The following N4BP2 variants were observed in gnomAD, a reference collection of about 807,000 sequenced individuals.
N4BP2 encodes the protein NEDD4-binding protein 2.
Under a neutral mutation model 152.8 loss-of-function variants are expected in N4BP2, and 91 were observed. That is an observed-to-expected ratio of 0.60 (90% CI 0.50 to 0.71). The LOEUF (loss-of-function observed/expected upper bound fraction) is 0.71. Ranked by LOEUF, N4BP2 falls within the 30% of genes least tolerant of loss-of-function variation. The probability of loss-of-function intolerance (pLI) is 0.00; values close to 1 mark genes in which losing one functional copy is unlikely to be tolerated. For synonymous variants in N4BP2, 646 were observed against 705.3 expected, an observed-to-expected ratio of 0.92 and a Z score of 1.33; for missense variants, 1,923 against 2,059.1, an observed-to-expected ratio of 0.93 and a Z score of 1.28.
rs935129230 is a variant in N4BP2 at position 40,155,505 on chromosome 4, CAAAG to C, written c.*1269_*1272del. ...TATTTTGAAAAAGAGCCAACTTTCTCAAAGGAAGCTGTCATTAACTTCTGTTGTT... is the reference window on the plus strand; with the variant it reads ...TATTTTGAAAAAGAGCCAACTTTCTCGAAGCTGTCATTAACTTCTGTTGTT... On this transcript the variant is annotated 3_prime_UTR_variant, in exon 18 of 18. Transcript: ENST00000261435. 2.0e-5 allele frequency: 3 copies of C among 152,118 alleles called. No individual in the cohort carries two copies. The highest frequency in any genetic ancestry group is 4.4e-5 in the Non-Finnish European group (3 of 68,000). The allele number at this position is 152,118 out of a possible 1,614,324, so 9.4% of individuals were successfully genotyped here. A position where few individuals can be genotyped will look rare whatever the true frequency, so the allele number is the denominator to read the frequency against.
chr4:40,147,711 G>A (rs1447176819), intron 16 of N4BP2, among the ~76,000 whole-genome samples: 12 of 150,924 alleles, frequency 8.0e-5, no homozygotes, highest in South Asian at 2.1e-4. Flanking sequence ...CAGACGGGGC[G>A]GCTGGCCCTC....
chr4:40,059,452 G>A (rs1733482462), intron 1 of N4BP2, among the ~76,000 whole-genome samples: 1 of 151,954 alleles, frequency 6.6e-6, no homozygotes, highest in Non-Finnish European at 1.5e-5. Flanking sequence ...GAGTGCAGTG[G>A]CGCTATCTTG....
chr4:40,175,891 C>G, the N4BP2 span, among the ~76,000 whole-genome samples: 1 of 149,714 alleles, frequency 6.7e-6, no homozygotes, highest in East Asian at 2.0e-4. Context: ...GAGATCGAGA[C>G]CATCTTGGCT....
intron 11 of N4BP2, among the ~76,000 whole-genome samples, chr4:40,124,966 T>C (rs1718259991): frequency 6.6e-6 from 1 of 152,230 alleles, no homozygotes; most frequent in South Asian, 2.1e-4. Flanking sequence ...AAATATTTGA[T>C]TCCAGATGAC....
the N4BP2 span, among the ~76,000 whole-genome samples, chr4:40,169,446 A>C: frequency 6.6e-6 from 1 of 151,766 alleles, no homozygotes; most frequent in Non-Finnish European, 1.5e-5. Flanking sequence ...ATTAGAAGTA[A>C]ATTAATGAAA....
chr4:40,110,103 C>G (rs1716727765), intron 5 of N4BP2, among the ~76,000 whole-genome samples: 1 of 152,184 alleles, frequency 6.6e-6, no homozygotes. Context: ...TGGCTTCTTT[C>G]ACTTAGTATA....
rs1313811658 is a variant in N4BP2, at chr4:40,120,009, C to A, written c.1898C>A (p.Thr633Asn). ...LSLSLKHLEFTEEKNLDVTKE... is the reference protein window; with the variant it reads ...LSLSLKHLEFNEEKNLDVTKE... The stretch of plus-strand genomic sequence containing the variant: ...TTATCTTTGAAGCATCTAGAGTTCA[C>A]TGAAGAGAAGAATCTTGATGTAACC... Residue 633 changes from threonine (T) to asparagine (N), a missense_variant, in exon 9 of 18, where the codon ACT becomes AAT. Coordinates refer to ENST00000261435, the MANE Select transcript of N4BP2 (RefSeq NM_018177.6). 6.3e-7 allele frequency: 1 copy of A among 1,583,206 alleles called. No individual in the cohort carries two copies. Among genetic ancestry groups the A allele is most frequent in the Non-Finnish European group, 8.7e-7 (1 of 1,155,928 alleles).
At chr4:40,071,741 T>C (rs535745256) in intron 1 of N4BP2, among the ~76,000 whole-genome samples, 1 of 151,952 alleles carries the variant, frequency 6.6e-6, no homozygotes, top group African/African-American at 2.4e-5. Flanking sequence ...TAATTATGTA[T>C]TTTTAGTAGA....
intron 14 of N4BP2, among the ~76,000 whole-genome samples, chr4:40,141,286 T>G (rs549643065): frequency 1.3e-5 from 2 of 151,194 alleles, no homozygotes; most frequent in Admixed American, 1.3e-4. Flanking sequence ...ACCTCCTTCC[T>G]GGACGGGGTG....
intron 13 of N4BP2, among the ~76,000 whole-genome samples, chr4:40,132,253 T>G (rs1001218050): frequency 1.3e-5 from 2 of 152,172 alleles, no homozygotes; most frequent in African/African-American, 2.4e-5. Context: ...TCTCTCTGTG[T>G]CTCAAAATAC....
intron 8 of N4BP2, among the ~76,000 whole-genome samples, chr4:40,119,326 A>T (rs893426203): frequency 5.3e-5 from 8 of 152,226 alleles, no homozygotes; most frequent in African/African-American, 1.9e-4. Flanking sequence ...GAGGAAATGC[A>T]TTGACAAATT....
chr4:40,158,063 G>A lies in N4BP2; in HGVS notation c.*3826G>A, dbSNP rs2109302751. On this transcript the variant is annotated 3_prime_UTR_variant, in exon 18 of 18. Transcript: ENST00000261435. ...AAATACAATATTGCAGCTATCAGTTGGAGAATATATTATAAAATTTTCAGA... is the reference window on the plus strand; with the variant it reads ...AAATACAATATTGCAGCTATCAGTTAGAGAATATATTATAAAATTTTCAGA... 6.6e-6 allele frequency: 1 copy of A among 152,122 alleles called. No homozygotes were observed. Among genetic ancestry groups the A allele is most frequent in the East Asian group, 1.9e-4 (1 of 5,180 alleles). The allele number at this position is 152,122 out of a possible 1,614,324, so 9.4% of individuals were successfully genotyped here.
intron 16 of N4BP2, among the ~76,000 whole-genome samples, chr4:40,146,788 AC>A (rs1720557643): frequency 1.3e-5 from 2 of 148,556 alleles, no homozygotes; most frequent in Non-Finnish European, 3.0e-5. Context: ...TTAAGCTTGT[AC>A]CCTTTGACCA....
chr4:40,173,690 CAGTT>C, the N4BP2 span, among the ~76,000 whole-genome samples: 1 of 152,178 alleles, frequency 6.6e-6, no homozygotes, highest in Non-Finnish European at 1.5e-5. Context: ...GCAAGTGGAC[CAGTT>C]AGTCACAGTC....
chr4:40,062,219 C>T (rs998597922), intron 1 of N4BP2, among the ~76,000 whole-genome samples: 5 of 151,954 alleles, frequency 3.3e-5, no homozygotes, highest in African/African-American at 7.2e-5. Context: ...GCCGGGACTA[C>T]AGGTGCCCAC....
chr4:40,149,142 G>A (rs1320427160), intron 16 of N4BP2, among the ~76,000 whole-genome samples: 1 of 152,144 alleles, frequency 6.6e-6, no homozygotes, highest in Non-Finnish European at 1.5e-5. Flanking sequence ...AACACAATAT[G>A]TCTTTACGGA....
At chr4:40,089,924 T>C (rs1714367846) in intron 2 of N4BP2, among the ~76,000 whole-genome samples, 1 of 152,228 alleles carries the variant, frequency 6.6e-6, no homozygotes, top group South Asian at 2.1e-4. Flanking sequence ...TCTGTAAATA[T>C]TTCTGTAAAT....
At chr4:40,182,341 A>C in the N4BP2 span, among the ~76,000 whole-genome samples, 1 of 152,394 alleles carries the variant, frequency 6.6e-6, no homozygotes, top group Middle Eastern at 3.4e-3. Flanking sequence ...TTTGAGGGTC[A>C]GGCTGAGAAG....
chr4:40,145,898 C>A (rs967676686), intron 16 of N4BP2, among the ~76,000 whole-genome samples: 3 of 152,082 alleles, frequency 2.0e-5, no homozygotes, highest in Admixed American at 1.3e-4. Context: ...TGCGGTGGCT[C>A]ATGCCTGTAA....
Sources: gnomAD v4.1 joint callset for allele counts (sites outside exome capture counted in the v4.1 genomes callset) on GRCh38, gnomAD v4.1.1 for gene constraint, MANE v1.5 for transcripts, NCBI Gene and HGNC (gene_info 2026-07-23, HGNC 2026-07-21) for gene names.